ZNF521: variants seen among roughly 807,000 people sequenced by gnomAD.
ZNF521 encodes LYST-interacting protein 3.
Under a neutral mutation model 105.5 loss-of-function variants are expected in ZNF521, and 14 were observed. That is an observed-to-expected ratio of 0.13 (90% CI 0.09 to 0.21). The LOEUF (loss-of-function observed/expected upper bound fraction) is 0.21. Among genes scored for constraint, ZNF521 ranks in the 10% least tolerant of loss-of-function variants. The probability of loss-of-function intolerance (pLI) is 1.00; values close to 1 mark genes in which losing one functional copy is unlikely to be tolerated. For missense variants in ZNF521, 1,233 were observed against 1,629.7 expected (o/e 0.76, Z 4.19); for synonymous variants, 635 against 606.0 (o/e 1.05, Z -0.70).
intron 4 of ZNF521, among the ~76,000 whole-genome samples, chr18:25,206,024 G>T (rs1309520493): frequency 6.6e-6 from 1 of 151,626 alleles, no homozygotes; most frequent in African/African-American, 2.4e-5. Flanking sequence ...GTTTTTTTGA[G>T]ACAGAGTCTC....
intron 5 of ZNF521, among the ~76,000 whole-genome samples, chr18:25,103,560 A>G (rs2034009764): frequency 1.3e-5 from 2 of 152,126 alleles, no homozygotes; most frequent in African/African-American, 4.8e-5. Flanking sequence ...GGTCAGCTCA[A>G]TATATTCCTA....
Position 25,226,430 on chromosome 18 carries a change from G to A in ZNF521, c.1488C>T (p.Ile496=). The part of the protein sequence containing the change: ...VNDLNTLQEH[I]RCSHGFANPA... ...GGTTTGCAAATCCATGAGAACATCG[G>A]ATGTGTTCCTGAAGAGTGTTGAGGT... Residue 496 remains isoleucine, a synonymous_variant, in exon 4 of 8, where the codon ATC becomes ATT. Transcript: ENST00000361524. This position sits in a 1 kb window ranked among gnomAD's most constrained non-coding sequence, Gnocchi z 4.1. The A allele has an allele frequency of 6.2e-7, 1 of 1,614,164 alleles. No individual in the cohort carries two copies. The highest frequency in any genetic ancestry group is 8.5e-7 in the Non-Finnish European group (1 of 1,180,018).
intron 5 of ZNF521, among the ~76,000 whole-genome samples, chr18:25,134,776 T>C (rs2034703069): frequency 6.6e-6 from 1 of 152,096 alleles, no homozygotes; most frequent in Non-Finnish European, 1.5e-5. Context: ...CACATTCTGA[T>C]GACATCCATC....
At chr18:25,103,452 T>A (rs2034007232) in intron 5 of ZNF521, among the ~76,000 whole-genome samples, 1 of 152,156 alleles carries the variant, frequency 6.6e-6, no homozygotes, top group Non-Finnish European at 1.5e-5. Context: ...CCCGATATAG[T>A]GTTAAATTGA....
At chr18:25,343,640 A>G (rs993784384) in intron 2 of ZNF521, among the ~76,000 whole-genome samples, 3 of 152,196 alleles carry the variant, frequency 2.0e-5, no homozygotes, top group African/African-American at 7.2e-5. Flanking sequence ...AATAGTATAT[A>G]TGCTTTCCAA....
At chr18:25,138,949 T>A (rs1428980944) in intron 5 of ZNF521, among the ~76,000 whole-genome samples, 2 of 152,240 alleles carry the variant, frequency 1.3e-5, no homozygotes, top group African/African-American at 4.8e-5. Flanking sequence ...TTGTACAAGA[T>A]GGTTGGGTTT....
intron 3 of ZNF521, among the ~76,000 whole-genome samples, chr18:25,253,152 T>C (rs1291315158): frequency 6.6e-6 from 1 of 152,152 alleles, no homozygotes; most frequent in Non-Finnish European, 1.5e-5. Flanking sequence ...TGTTCATAAA[T>C]CAAATCCATA....
At chr18:25,130,755 CAACA>C (rs2034625656) in intron 5 of ZNF521, among the ~76,000 whole-genome samples, 1 of 152,010 alleles carries the variant, frequency 6.6e-6, no homozygotes, top group Non-Finnish European at 1.5e-5. Context: ...TAGGCCTGGG[CAACA>C]TAGCGAGACC....
intron 5 of ZNF521, among the ~76,000 whole-genome samples, chr18:25,110,442 C>CAA (rs372395726): frequency 6.7e-6 from 1 of 148,886 alleles, no homozygotes; most frequent in Non-Finnish European, 1.5e-5. Context: ...GGCAGGAGAC[C>CAA]AAAAAAGAAA....
At chr18:25,288,710 A>G (rs959602057) in intron 3 of ZNF521, among the ~76,000 whole-genome samples, 2 of 152,202 alleles carry the variant, frequency 1.3e-5, no homozygotes, top group Non-Finnish European at 2.9e-5. Context: ...CCAGTGAAGT[A>G]AACATTTCCA....
At chr18:25,337,913 T>C (rs1913980673) in intron 2 of ZNF521, among the ~76,000 whole-genome samples, 1 of 152,024 alleles carries the variant, frequency 6.6e-6, no homozygotes, top group Admixed American at 6.5e-5. Context: ...TGCAAAGTCA[T>C]TAGAATAAAG....
chr18:25,337,421 T>G (rs1192379418), intron 2 of ZNF521, among the ~76,000 whole-genome samples: 1 of 152,286 alleles, frequency 6.6e-6, no homozygotes, highest in South Asian at 2.1e-4. Context: ...GAGCTAATTT[T>G]CTTAATAATA....
intron 5 of ZNF521, among the ~76,000 whole-genome samples, chr18:25,119,282 T>C (rs950527081): frequency 9.2e-5 from 14 of 152,118 alleles, no homozygotes; most frequent in Admixed American, 3.9e-4. Flanking sequence ...ACTAGACACA[T>C]AGATGATGAT....
chr18:25,213,074 C>T (rs1307949988), intron 4 of ZNF521, among the ~76,000 whole-genome samples: 4 of 151,180 alleles, frequency 2.6e-5, no homozygotes, highest in Non-Finnish European at 5.9e-5. Flanking sequence ...TTACAGGCTA[C>T]ATCACCCAGC....
At chr18:25,174,624 A>G (rs2035504396) in intron 5 of ZNF521, among the ~76,000 whole-genome samples, 2 of 152,208 alleles carry the variant, frequency 1.3e-5, no homozygotes, top group African/African-American at 4.8e-5. Flanking sequence ...CTTCGTGGAC[A>G]CACAGACTCA....
chr18:25,164,043 T>C (rs913414715), intron 5 of ZNF521, among the ~76,000 whole-genome samples: 5 of 152,148 alleles, frequency 3.3e-5, no homozygotes, highest in African/African-American at 9.7e-5. Context: ...AAATAGGAAT[T>C]AAACATAGCT....
intron 5 of ZNF521, among the ~76,000 whole-genome samples, chr18:25,138,061 C>T (rs750150485): frequency 3.3e-5 from 5 of 152,208 alleles, no homozygotes; most frequent in Admixed American, 2.0e-4. Flanking sequence ...ATAGGGCCTC[C>T]GCTGGTAGAA....
intron 3 of ZNF521, among the ~76,000 whole-genome samples, chr18:25,239,103 A>C (rs991233141): frequency 6.6e-6 from 1 of 152,116 alleles, no homozygotes; most frequent in African/African-American, 2.4e-5. Flanking sequence ...TTCTTCCAAG[A>C]AGCAGCTTTT....
intron 5 of ZNF521, among the ~76,000 whole-genome samples, chr18:25,103,074 T>C (rs1313038182): frequency 3.9e-5 from 6 of 152,142 alleles, no homozygotes; most frequent in Admixed American, 3.9e-4. Flanking sequence ...GTGATGCACC[T>C]GTTGGAAGGC....
Sources: gnomAD v4.1 joint callset for allele counts (sites outside exome capture counted in the v4.1 genomes callset) on GRCh38, gnomAD v4.1.1 for gene constraint, Gnocchi (gnomAD v3.1) non-coding constraint, MANE v1.5 for transcripts, NCBI Gene and HGNC (gene_info 2026-07-23, HGNC 2026-07-21) for gene names.